Variants in PLEKHG4B observed in about 807,000 individuals in gnomAD.
The protein encoded by PLEKHG4B is pleckstrin homology domain-containing family G member 4B.
PLEKHG4B carries 111 observed loss-of-function variants against 121.3 expected under a neutral mutation model. That is an observed-to-expected ratio of 0.92 (90% CI 0.78 to 1.07). The LOEUF is 1.07. Among genes scored for constraint, PLEKHG4B ranks in the 50% least tolerant of loss-of-function variants. The pLI, the probability that PLEKHG4B is intolerant of heterozygous loss-of-function variation, is 0.00. For synonymous variants in PLEKHG4B, 738 were observed against 725.0 expected (o/e 1.02, Z -0.29); for missense variants, 1,831 against 1,757.8 (o/e 1.04, Z -0.74).
At chr5:150,944 T>C (rs1735584539) in intron 6 of PLEKHG4B, among the ~76,000 whole-genome samples, 2 of 152,374 alleles carry the variant, frequency 1.3e-5, no homozygotes, top group African/African-American at 4.8e-5. Flanking sequence ...CCAGTTATCC[T>C]TCAGCTGGTG....
chr5:155,265 G>C (rs763785643), intron 8 of PLEKHG4B, 80 bp from the exon 9 acceptor site: 63 of 1,284,608 alleles, frequency 4.9e-5, no homozygotes, highest in Non-Finnish European at 6.2e-5. Flanking sequence ...TCTAAATGCA[G>C]AAACTGGAAC....
chr5:168,344 G>T (rs990847986), intron 13 of PLEKHG4B, among the ~76,000 whole-genome samples: 1 of 152,182 alleles, frequency 6.6e-6, no homozygotes, highest in Non-Finnish European at 1.5e-5. Flanking sequence ...CCTCTGGGCC[G>T]TCCTGCGCCC....
At chr5:94,255 T>C (rs1299332192) in intron 1 of PLEKHG4B, among the ~76,000 whole-genome samples, 1 of 152,196 alleles carries the variant, frequency 6.6e-6, no homozygotes, top group Non-Finnish European at 1.5e-5. Context: ...AGCGGTTCTG[T>C]TCCCCACCTG....
chr5:167,207 G>A (rs977951283), intron 13 of PLEKHG4B, among the ~76,000 whole-genome samples: 12 of 152,196 alleles, frequency 7.9e-5, no homozygotes, highest in Admixed American at 3.9e-4. Flanking sequence ...ACTGGGCCTC[G>A]GCCTTCCCGC....
chr5:164,418 G>A (rs1198662483), intron 13 of PLEKHG4B, among the ~76,000 whole-genome samples: 1 of 151,654 alleles, frequency 6.6e-6, no homozygotes, highest in Non-Finnish European at 1.5e-5. Context: ...GACTGGGGGC[G>A]GAGTTCACCC....
chr5:164,532 C>CGG (rs1736183352), intron 13 of PLEKHG4B, among the ~76,000 whole-genome samples: 1 of 55,850 alleles, frequency 1.8e-5, no homozygotes, highest in Non-Finnish European at 3.4e-5. Flanking sequence ...AATGCTGTGA[C>CGG]AGGGGGCGGA....
At chr5:115,425 A>G (rs1734276815) in intron 2 of PLEKHG4B, among the ~76,000 whole-genome samples, 1 of 152,332 alleles carries the variant, frequency 6.6e-6, no homozygotes, top group Middle Eastern at 3.4e-3. Context: ...ATGGTCCATA[A>G]GCATCAGCTT....
rs1040505256 is a variant in PLEKHG4B, at chr5:183,317, C to T, written c.*994C>T. 4.6e-5 allele frequency: 7 copies of T among 152,210 alleles called. No homozygotes were observed. Among genetic ancestry groups the T allele is most frequent in the Middle Eastern group, 3.2e-3 (1 of 316 alleles). 9.4% of individuals were successfully genotyped at this position (152,210 alleles called of 1,614,324 possible). A position where few individuals can be genotyped will look rare whatever the true frequency, so the allele number is the denominator to read the frequency against. On this transcript the variant is annotated 3_prime_UTR_variant, in exon 20 of 20. Transcript: ENST00000637938. ...TGCAAGGTAAACTCACAGTGCCTGA[C>T]CTCGGAGTGCCAGGCGTGCAGAGGA...
In PLEKHG4B at chr5:126,665, T is replaced by G. The variant is rs536606679; in HGVS notation, c.244-12818T>G. On this transcript the variant is annotated intron_variant, in intron 2 of 19. Coordinates refer to ENST00000637938, the MANE Select transcript of PLEKHG4B (RefSeq NM_052909.5). The stretch of plus-strand genomic sequence containing the variant: ...CAGACTTTCCCCCTCCCTTGGGGTT[T>G]GCTTTTTATGTTGTTGAAGCGGCAC... Among the ~76,000 whole-genome samples, 14 of 152,322 alleles carry G rather than the reference T, an allele frequency of 9.2e-5. No homozygotes were observed. The South Asian group carries it at 1.9e-3, about 20-fold the overall frequency.
At chr5:94,482 G>A (rs1280139011) in intron 1 of PLEKHG4B, among the ~76,000 whole-genome samples, 4 of 112,528 alleles carry the variant, frequency 3.6e-5, no homozygotes, top group Non-Finnish European at 7.3e-5. Context: ...TGGGTGGCGG[G>A]GCTGGAGGGG....
intron 7 of PLEKHG4B, among the ~76,000 whole-genome samples, chr5:152,161 A>G (rs1735626221): frequency 6.7e-6 from 1 of 149,886 alleles, no homozygotes; most frequent in South Asian, 2.1e-4. Context: ...TTGTGAATTC[A>G]TGTCTATCAC....
chr5:151,737 C>T (rs150794582), intron 7 of PLEKHG4B, 138 bp downstream of exon 7: 1 of 552,576 alleles, frequency 1.8e-6, no homozygotes, highest in East Asian at 3.3e-5. Flanking sequence ...ACTTCCTACC[C>T]CGTAAGTTCT....
At position 143,367 on chromosome 5, in the gene PLEKHG4B, T is replaced by G; in HGVS notation, c.1688-13T>G. ...TGAAGCCCTTGGCAGCTGCCCTGTC[T>G]CTGTCTCCGCAGGGACCCGAGACCG... On this transcript the variant is annotated splice_polypyrimidine_tract_variant and intron_variant, in intron 4 of 19. Coordinates refer to ENST00000637938, the MANE Select transcript of PLEKHG4B (RefSeq NM_052909.5). The G allele has an allele frequency of 1.2e-6, 2 of 1,611,300 alleles. No homozygotes were observed. The highest frequency in any genetic ancestry group is 1.7e-6 in the Non-Finnish European group (2 of 1,179,108).
chr5:148,083 C>T (rs1357161640), intron 6 of PLEKHG4B, among the ~76,000 whole-genome samples: 1 of 152,046 alleles, frequency 6.6e-6, no homozygotes, highest in Non-Finnish European at 1.5e-5. Context: ...ACTACCTCAA[C>T]ATAATAAAAG....
At chr5:104,117 A>G (rs1346151544) in intron 1 of PLEKHG4B, among the ~76,000 whole-genome samples, 1 of 143,494 alleles carries the variant, frequency 7.0e-6, no homozygotes, top group African/African-American at 2.7e-5. Context: ...CCCAGCACCG[A>G]TTCCTAAACA....
In PLEKHG4B at chr5:171,307, G is replaced by A. The variant is rs1736542969; in HGVS notation, c.3913G>A (p.Asp1305Asn). 1 of 1,612,406 alleles carries A rather than the reference G, an allele frequency of 6.2e-7. No individual in the cohort carries two copies. Among genetic ancestry groups the A allele is most frequent in the African/African-American group, 1.3e-5 (1 of 74,926 alleles). Residue 1305 changes from aspartate to asparagine, a missense_variant, in exon 16 of 20, where the codon GAC becomes AAC. By Grantham distance (23) the Asp-to-Asn change is conservative. Coordinates refer to ENST00000637938, the MANE Select transcript of PLEKHG4B (RefSeq NM_052909.5). ...RVAKYALLLQ[D>N]LLKEASCGLA... ...GGCCAAGTACGCGCTGCTACTCCAG[G>A]ACCTGCTCAAGGAGGCCAGCTGTGG...
intron 3 of PLEKHG4B, among the ~76,000 whole-genome samples, chr5:141,375 C>G (rs1735195390): frequency 6.7e-6 from 1 of 148,918 alleles, no homozygotes; most frequent in African/African-American, 2.5e-5. Flanking sequence ...GTGTGTTCCC[C>G]TCCGAGGACC....
At chr5:135,710 T>TATATATATATAC (rs1734963479) in intron 2 of PLEKHG4B, among the ~76,000 whole-genome samples, 1 of 104,330 alleles carries the variant, frequency 9.6e-6, no homozygotes, top group Non-Finnish European at 1.9e-5. Flanking sequence ...TATATATATA[T>TATATATATATAC]ATATATATAT....
In PLEKHG4B at chr5:171,223, C is replaced by T. The variant is rs139923518; in HGVS notation, c.3829C>T (p.Arg1277Trp). 83 of 1,604,976 alleles carry T rather than the reference C, an allele frequency of 5.2e-5. No homozygotes were observed. Among genetic ancestry groups the T allele is most frequent in the Non-Finnish European group, 6.5e-5 (76 of 1,174,342 alleles). The change falls in exon 16 of 20, where the codon CGG becomes TGG. Residue 1277 changes from arginine to tryptophan, a missense_variant. Physicochemically the swap from Arg to Trp is moderately radical, Grantham distance 101. Transcript: ENST00000637938. The stretch of plus-strand genomic sequence containing the variant: ...CACCCGGCCCTTGCAGGACAAGCAG[C>T]GGGAGCTAGGTGACAAAATGGACCT... ...HGNAFFKDKQ[R>W]ELGDKMDLAS... is the part of the protein sequence containing the mutation.
Sources: allele counts gnomAD v4.1 joint callset (sites outside exome capture counted in the v4.1 genomes callset), GRCh38; gene constraint gnomAD v4.1.1; transcripts MANE v1.5; gene names NCBI Gene and HGNC (gene_info 2026-07-23, HGNC 2026-07-21).